Variants in VAT1L observed in about 807,000 individuals in gnomAD.
VAT1L encodes the protein vesicle amine transport 1 like, also known as putative NADPH-dependent quinone oxidoreductase VAT1L.
A neutral mutation model predicts 44.1 loss-of-function variants in VAT1L; 34 were observed. That is an observed-to-expected ratio of 0.77 (90% confidence interval 0.59 to 1.03). The LOEUF is 1.03. Among genes scored for constraint, VAT1L ranks in the 50% least tolerant of loss-of-function variants. The pLI is 0.00. For missense variants in VAT1L, 615 were observed against 538.8 expected (o/e 1.14, Z -1.40); for synonymous variants, 253 against 202.2 (o/e 1.25, Z -2.13).
chr16:77,885,075 A>G (rs571783873), intron 7 of VAT1L, among the ~76,000 whole-genome samples: 3 of 152,278 alleles, frequency 2.0e-5, no homozygotes, highest in Admixed American at 1.3e-4. Flanking sequence ...AATGTCTACA[A>G]TTCGGTGTGG....
intron 3 of VAT1L, among the ~76,000 whole-genome samples, chr16:77,861,505 C>T (rs772807722): frequency 6.6e-6 from 1 of 152,230 alleles, no homozygotes; most frequent in Non-Finnish European, 1.5e-5. Context: ...CTGGACATCT[C>T]GGCAATGGAT....
At chr16:77,820,145 A>T (rs2016426246) in intron 2 of VAT1L, among the ~76,000 whole-genome samples, 1 of 152,192 alleles carries the variant, frequency 6.6e-6, no homozygotes, top group African/African-American at 2.4e-5. Context: ...TGTATCTGGA[A>T]TCAGACTATC....
intron 3 of VAT1L, among the ~76,000 whole-genome samples, chr16:77,829,489 G>T (rs944059645): frequency 1.8e-4 from 28 of 152,154 alleles, no homozygotes; most frequent in African/African-American, 6.5e-4. Context: ...ATTCAATCTG[G>T]AGCAGGATAC....
chr16:77,844,261 G>T lies in VAT1L; in HGVS notation c.580-18487G>T, dbSNP rs117310350. On this transcript the variant is annotated intron_variant, in intron 3 of 8. Transcript: ENST00000302536. ...CTAAACAGGTACAGACTTTTTCCTT[G>T]TGATTATTCCCTAAACAATATAGTA... is the stretch of plus-strand genomic sequence containing the variant. Among the ~76,000 whole-genome samples, 22 of 152,142 alleles carry T rather than the reference G, an allele frequency of 1.4e-4. No homozygotes were observed. The East Asian group carries it at 4.1e-3, about 28-fold the overall frequency.
chr16:77,825,538 T>A (rs1173747317), intron 3 of VAT1L, 77 bp downstream of exon 3: 3 of 1,455,352 alleles, frequency 2.1e-6, no homozygotes, highest in African/African-American at 1.4e-5. Flanking sequence ...TGAGGTCTTA[T>A]GTGAGCTATG....
intron 7 of VAT1L, among the ~76,000 whole-genome samples, chr16:77,922,670 T>C (rs2017624950): frequency 6.6e-6 from 1 of 152,170 alleles, no homozygotes; most frequent in South Asian, 2.1e-4. Flanking sequence ...TGAATGCCAC[T>C]CTATGTGCCT....
Position 77,807,078 on chromosome 16 carries a change from A to G in VAT1L, c.234-9843A>G, listed in dbSNP as rs188842789. Among the ~76,000 whole-genome samples, 3 of 152,312 alleles carry G rather than the reference A, an allele frequency of 2.0e-5. No individual in the cohort carries two copies. In the East Asian group the frequency reaches 5.8e-4, roughly 29 times the overall value. ...TCCTGCCTTTGCACCATTTGTTATA[A>G]GAACCACCAGATCTTTCCTCCTCAG... On this transcript the variant is annotated intron_variant, in intron 1 of 8. Coordinates refer to ENST00000302536, the MANE Select transcript of VAT1L (RefSeq NM_020927.3).
intron 3 of VAT1L, among the ~76,000 whole-genome samples, chr16:77,836,374 C>G (rs1187231435): frequency 6.6e-6 from 1 of 151,974 alleles, no homozygotes; most frequent in African/African-American, 2.4e-5. Context: ...TAATGGGAAA[C>G]AGAAGCCCTG....
At chr16:77,877,180 T>C (rs2017096720) in intron 5 of VAT1L, among the ~76,000 whole-genome samples, 1 of 152,174 alleles carries the variant, frequency 6.6e-6, no homozygotes, top group African/African-American at 2.4e-5. Flanking sequence ...CTTCTTTTTC[T>C]TCTTTTCTGT....
intron 3 of VAT1L, among the ~76,000 whole-genome samples, chr16:77,852,001 G>C (rs988731584): frequency 1.3e-5 from 2 of 152,174 alleles, no homozygotes; most frequent in Non-Finnish European, 2.9e-5. Flanking sequence ...TTCTGTTCCT[G>C]CGTGTTCAAG....
At chr16:77,835,005 T>A (rs2016623801) in intron 3 of VAT1L, among the ~76,000 whole-genome samples, 1 of 152,230 alleles carries the variant, frequency 6.6e-6, no homozygotes, top group Non-Finnish European at 1.5e-5. Flanking sequence ...CTATCTTTAT[T>A]ATTGTTATTG....
chr16:77,823,341 A>G (rs1385312729), intron 2 of VAT1L, among the ~76,000 whole-genome samples: 11 of 152,004 alleles, frequency 7.2e-5, no homozygotes, highest in Non-Finnish European at 1.6e-4. Context: ...TTCCAAGTAG[A>G]TTTTCCTCTA....
rs1165976744 is a variant in VAT1L at position 77,978,814 on chromosome 16, C to T, written c.*1119C>T. ...AACCAAGGAACAAGCCACCTGCTCA[C>T]ACACCTTGTTCAACTTTTCAGCTCC... On this transcript the variant is annotated 3_prime_UTR_variant, in exon 9 of 9. Coordinates refer to ENST00000302536, the MANE Select transcript of VAT1L (RefSeq NM_020927.3). 1 of 152,280 alleles carries T rather than the reference C, an allele frequency of 6.6e-6. No homozygotes were observed. Among genetic ancestry groups the T allele is most frequent in the Non-Finnish European group, 1.5e-5 (1 of 68,098 alleles). The allele number at this position is 152,280 out of a possible 1,614,324, so 9.4% of individuals were successfully genotyped here. A position where few individuals can be genotyped will look rare whatever the true frequency, so the allele number is the denominator to read the frequency against.
intron 3 of VAT1L, among the ~76,000 whole-genome samples, chr16:77,857,314 T>C (rs548369297): frequency 7.3e-4 from 111 of 152,342 alleles, no homozygotes; most frequent in African/African-American, 2.4e-3. Context: ...GCTAGGCACG[T>C]AGGAGAAATG....
intron 7 of VAT1L, among the ~76,000 whole-genome samples, chr16:77,914,410 G>A (rs1185726266): frequency 6.6e-6 from 1 of 152,076 alleles, no homozygotes; most frequent in Non-Finnish European, 1.5e-5. Flanking sequence ...ATGTCATTTT[G>A]GTAATTTGAA....
chr16:77,849,128 G>A (rs1049617409), intron 3 of VAT1L, among the ~76,000 whole-genome samples: 2 of 152,050 alleles, frequency 1.3e-5, no homozygotes, highest in African/African-American at 4.8e-5. Context: ...ACCATGGCAC[G>A]TGTATGCCTA....
intron 7 of VAT1L, among the ~76,000 whole-genome samples, chr16:77,933,749 T>A (rs982232924): frequency 1.3e-5 from 2 of 152,106 alleles, no homozygotes; most frequent in African/African-American, 4.8e-5. Context: ...GTGGGCTGGG[T>A]ACATTTAAAA....
intron 6 of VAT1L, among the ~76,000 whole-genome samples, chr16:77,880,920 A>G (rs2017146584): frequency 6.6e-6 from 1 of 152,170 alleles, no homozygotes; most frequent in Non-Finnish European, 1.5e-5. Flanking sequence ...GCTGCAAAGG[A>G]CATGATTCCA....
At chr16:77,891,692 C>T (rs544730252) in intron 7 of VAT1L, among the ~76,000 whole-genome samples, 47 of 152,300 alleles carry the variant, frequency 3.1e-4, no homozygotes, top group Non-Finnish European at 2.6e-4. Flanking sequence ...CAGAGATAGA[C>T]TGGCCTGAAA....
Sources: allele counts gnomAD v4.1 joint callset (sites outside exome capture counted in the v4.1 genomes callset), GRCh38; gene constraint gnomAD v4.1.1; transcripts MANE v1.5; gene names NCBI Gene and HGNC (gene_info 2026-07-23, HGNC 2026-07-21).